Variants in TFEC observed in about 807,000 individuals in gnomAD.
TFEC encodes class E basic helix-loop-helix protein 34.
Under a neutral mutation model 41.6 loss-of-function variants are expected in TFEC, and 31 were observed. The ratio of observed to expected loss-of-function variants is 0.74; its 90% confidence interval spans 0.56 to 1.01. TFEC has a LOEUF of 1.01. TFEC is among the 50% of genes least tolerant of loss of function. The pLI, the probability that TFEC is intolerant of heterozygous loss-of-function variation, is 0.00. For missense variants in TFEC, 402 were observed against 404.1 expected (o/e 0.99, Z 0.04); for synonymous variants, 143 against 140.6 (o/e 1.02, Z -0.12).
intron 1 of TFEC, among the ~76,000 whole-genome samples, chr7:116,147,774 C>A (rs937375885): frequency 3.3e-5 from 5 of 152,090 alleles, no homozygotes; most frequent in Non-Finnish European, 7.4e-5. Flanking sequence ...AACGTAGAAT[C>A]TTATACCCTA....
At chr7:116,096,858 G>A (rs1797473628) in intron 3 of TFEC, among the ~76,000 whole-genome samples, 2 of 152,100 alleles carry the variant, frequency 1.3e-5, no homozygotes, top group South Asian at 2.1e-4. Context: ...TTGGGAGGCC[G>A]AAGAGGGCAG....
intron 3 of TFEC, among the ~76,000 whole-genome samples, chr7:116,109,726 T>C (rs1236996400): frequency 6.6e-6 from 1 of 152,212 alleles, no homozygotes; most frequent in Non-Finnish European, 1.5e-5. Context: ...CATTACTGGG[T>C]ATATACCCAA....
intron 3 of TFEC, among the ~76,000 whole-genome samples, chr7:116,106,793 T>C (rs1386690271): frequency 6.6e-6 from 1 of 152,170 alleles, no homozygotes; most frequent in African/African-American, 2.4e-5. Flanking sequence ...TTGAGCGAGC[T>C]CTGAAATGTT....
intron 1 of TFEC, among the ~76,000 whole-genome samples, chr7:116,152,281 A>G (rs1376660922): frequency 6.6e-6 from 1 of 152,216 alleles, no homozygotes; most frequent in Admixed American, 6.5e-5. Flanking sequence ...TGATCCTGAT[A>G]AAAGAAAATA....
chr7:116,149,908 T>C (rs550697165), intron 1 of TFEC, among the ~76,000 whole-genome samples: 1 of 152,288 alleles, frequency 6.6e-6, no homozygotes, highest in South Asian at 2.1e-4. Flanking sequence ...CATTATTTCT[T>C]CATGTAGTTT....
intron 1 of TFEC, among the ~76,000 whole-genome samples, chr7:116,028,963 T>C (rs969924271): frequency 6.6e-6 from 1 of 152,188 alleles, no homozygotes; most frequent in African/African-American, 2.4e-5. Flanking sequence ...AATTTCACTA[T>C]GCTACAAATT....
At position 115,999,482 on chromosome 7, in the gene TFEC, GAAAT is replaced by G. The variant is rs1416883175; in HGVS notation, c.-72-14973_-72-14970del. On this transcript the variant is annotated intron_variant, in intron 1 of 7. Transcript: ENST00000265440. ...CCCAAATTAGTGCAAGATCAGAACA[GAAAT>G]AAATAAAGTTTAAATGAAAGAAACC... 4.6e-5 allele frequency among the ~76,000 whole-genome samples: 7 copies of G among 151,756 alleles called. No homozygotes were observed. In the East Asian group the frequency reaches 1.2e-3, roughly 25 times the overall value.
chr7:116,047,220 G>A (rs932728512), intron 3 of TFEC, among the ~76,000 whole-genome samples: 1 of 152,172 alleles, frequency 6.6e-6, no homozygotes, highest in Admixed American at 6.5e-5. Context: ...CACCCGGGAA[G>A]TGCAAGGGGT....
At chr7:115,948,179 C>G (rs577964800) in intron 6 of TFEC, among the ~76,000 whole-genome samples, 1 of 151,944 alleles carries the variant, frequency 6.6e-6, no homozygotes, top group South Asian at 2.1e-4. Flanking sequence ...AGACCAATAA[C>G]AGGAGCTGAA....
exon 3 of TFEC, chr7:116,110,776 G>T: frequency 1.3e-6 from 2 of 1,546,794 alleles, no homozygotes; most frequent in Middle Eastern, 1.7e-4. Context: ...TGCAACACTG[G>T]TTTGTATGAA....
intron 3 of TFEC, among the ~76,000 whole-genome samples, chr7:116,067,486 T>C (rs984037939): frequency 1.3e-5 from 2 of 151,994 alleles, no homozygotes; most frequent in Admixed American, 6.6e-5. Flanking sequence ...CAACCGAGTA[T>C]TTTGGATATC....
chr7:115,968,997 T>A (rs1278566992), intron 3 of TFEC, among the ~76,000 whole-genome samples: 1 of 151,892 alleles, frequency 6.6e-6, no homozygotes, highest in East Asian at 1.9e-4. Context: ...AACCAATGCA[T>A]GGTAGCTATT....
chr7:115,974,285 T>C, intron 2 of TFEC, 29 bp from the exon 3 acceptor site: 1 of 1,464,002 alleles, frequency 6.8e-7, no homozygotes, highest in Non-Finnish European at 9.1e-7. Context: ...TTTAGAATAT[T>C]GTACATAATG....
intron 1 of TFEC, among the ~76,000 whole-genome samples, chr7:116,006,818 G>A (rs911011686): frequency 2.6e-5 from 4 of 152,074 alleles, no homozygotes; most frequent in Admixed American, 2.0e-4. Flanking sequence ...GAACCTGGTG[G>A]GAGGTAATTG....
chr7:116,066,160 C>T (rs538377189), intron 3 of TFEC, among the ~76,000 whole-genome samples: 1 of 152,204 alleles, frequency 6.6e-6, no homozygotes, highest in East Asian at 1.9e-4. Context: ...GAGATGAATT[C>T]ACCCATTTGT....
At chr7:116,064,762 A>C (rs1201319777) in intron 3 of TFEC, among the ~76,000 whole-genome samples, 1 of 152,196 alleles carries the variant, frequency 6.6e-6, no homozygotes, top group Non-Finnish European at 1.5e-5. Context: ...GAAAGATCTA[A>C]GAAAACTAGA....
intron 2 of TFEC, among the ~76,000 whole-genome samples, chr7:115,976,293 T>C (rs1416190919): frequency 2.0e-5 from 3 of 151,812 alleles, no homozygotes; most frequent in Admixed American, 1.3e-4. Context: ...GGCGTGGTGG[T>C]GTGTGCCTGT....
At chr7:116,027,582 G>A (rs914458985) in intron 1 of TFEC, among the ~76,000 whole-genome samples, 1 of 152,142 alleles carries the variant, frequency 6.6e-6, no homozygotes, top group Non-Finnish European at 1.5e-5. Context: ...GGGTGACAGA[G>A]TGAGACCCTG....
At chr7:115,971,049 A>G (rs1793111156) in intron 3 of TFEC, among the ~76,000 whole-genome samples, 1 of 152,054 alleles carries the variant, frequency 6.6e-6, no homozygotes, top group Non-Finnish European at 1.5e-5. Context: ...TTATTTTAAT[A>G]AACATCTGTT....
Sources: allele counts gnomAD v4.1 joint callset (sites outside exome capture counted in the v4.1 genomes callset), GRCh38; gene constraint gnomAD v4.1.1; transcripts MANE v1.5; gene names NCBI Gene and HGNC (gene_info 2026-07-23, HGNC 2026-07-21).